The following SACS variants were observed in gnomAD, a reference collection of about 807,000 sequenced individuals.
SACS encodes the protein sacsin.
SACS carries 197 observed loss-of-function variants against 348.0 expected under a neutral mutation model. The ratio of observed to expected loss-of-function variants is 0.57; its 90% CI spans 0.50 to 0.64. The LOEUF (loss-of-function observed/expected upper bound fraction) is 0.64. Among genes scored for constraint, SACS ranks in the 30% least tolerant of loss-of-function variants. The pLI is 0.00. For synonymous variants in SACS, 1,985 were observed against 1,910.6 expected (o/e 1.04, Z -1.02); for missense variants, 4,999 against 5,360.8 (o/e 0.93, Z 2.11).
chr13:23,411,053 G>A (rs1051754421), intron 2 of SACS, among the ~76,000 whole-genome samples, 167 bp downstream of exon 2: 1 of 152,172 alleles, frequency 6.6e-6, no homozygotes, highest in African/African-American at 2.4e-5. Context: ...CCCTTGGCTT[G>A]AAAAATTACA....
chr13:23,417,231 C>G (rs1873724041), intron 1 of SACS, among the ~76,000 whole-genome samples: 1 of 152,030 alleles, frequency 6.6e-6, no homozygotes, highest in South Asian at 2.1e-4. Flanking sequence ...ACATGATGAA[C>G]CAGAAAATTA....
chr13:23,387,163 T>C (rs1872321768), intron 2 of SACS, among the ~76,000 whole-genome samples: 1 of 151,602 alleles, frequency 6.6e-6, no homozygotes, highest in Non-Finnish European at 1.5e-5. Flanking sequence ...CTTCGATTTG[T>C]TAAAAACGAA....
rs1197760629 is a variant in SACS, at chr13:23,355,895, T to C, written c.717A>G (p.Glu239=). The C allele has an allele frequency of 6.2e-7, 1 of 1,614,084 alleles. No individual in the cohort carries two copies. Among genetic ancestry groups the C allele is most frequent in the African/African-American group, 1.3e-5 (1 of 74,934 alleles). Residue 239 remains glutamate, a synonymous_variant, in exon 8 of 10, where the codon GAA becomes GAG. Transcript: ENST00000382292. ...CAAACTGGTCTGAAAGTTCACTAAT[T>C]TCTTTGCTGTCATCTTTGAGATTCC... ...QCWNLKDDSK[E]ISELSDQFAP... is the part of the protein sequence containing the mutation.
In SACS at chr13:23,332,749, C is replaced by T. The variant is rs1382990256; in HGVS notation, c.11127G>A (p.Glu3709=). ...LLWTSCPILP[E]KATPLSIKEQ... is the part of the protein sequence containing the mutation. Reference sequence around the variant, plus strand: ...CTTTAATGCTTAAGGGTGTAGCTTTCTCTGGAAGAATAGGGCAGGATGTCC... The same window carrying T: ...CTTTAATGCTTAAGGGTGTAGCTTTTTCTGGAAGAATAGGGCAGGATGTCC... The change falls in exon 10 of 10, where the codon GAG becomes GAA. Residue 3709 remains glutamate (E), a synonymous_variant. Transcript: ENST00000382292. The T allele has an allele frequency of 1.2e-6, 2 of 1,613,878 alleles. No individual in the cohort carries two copies. The highest frequency in any genetic ancestry group is 1.7e-6 in the Non-Finnish European group (2 of 1,179,948).
intron 9 of SACS, among the ~76,000 whole-genome samples, chr13:23,350,288 A>G (rs1382642404): frequency 6.6e-6 from 1 of 152,258 alleles, no homozygotes; most frequent in East Asian, 1.9e-4. Flanking sequence ...GAGGAAGTAC[A>G]GACAATAAGA....
intron 7 of SACS, 62 bp from the exon 8 acceptor site, chr13:23,356,069 T>G: frequency 3.7e-6 from 5 of 1,348,580 alleles, no homozygotes; most frequent in Non-Finnish European, 5.2e-6. Flanking sequence ...ATGATTACAA[T>G]TATAATAAAT....
chr13:23,386,688 C>T (rs1465539950), intron 2 of SACS, among the ~76,000 whole-genome samples: 2 of 152,208 alleles, frequency 1.3e-5, no homozygotes, highest in Non-Finnish European at 2.9e-5. Flanking sequence ...AGAGGCCTGG[C>T]TTTCCTGTCT....
At position 23,338,234 on chromosome 13, in the gene SACS, C is replaced by G; in HGVS notation, c.5642G>C (p.Gly1881Ala). Residue 1881 changes from glycine to alanine, a missense_variant, in exon 10 of 10, where the codon GGC (glycine) becomes GCC (alanine). Gly to Ala is a moderately conservative substitution (Grantham distance 60). This residue lies in a region of SACS where 3,156 missense variants were observed against 3,380.1 expected (regional missense o/e 0.93). Transcript: ENST00000382292. ...GCACCCATTGATATGAACTGGCAAG[C>G]CTGTTTTTATTCGTAAAGGTAAATA... ...FCYLPLRIKT[G>A]LPVHINGCFA... 3 of 1,614,116 alleles carry G rather than the reference C, an allele frequency of 1.9e-6. No homozygotes were observed. The highest frequency in any genetic ancestry group is 2.5e-6 in the Non-Finnish European group (3 of 1,180,014).
chr13:23,433,176 C>G (rs1375735858), intron 1 of SACS, among the ~76,000 whole-genome samples: 2 of 152,176 alleles, frequency 1.3e-5, no homozygotes. Context: ...AGAATCCCAT[C>G]TTATTGTTCA....
rs1433583477 is a variant in SACS at position 23,331,112 on chromosome 13, C to G, written c.12764G>C (p.Arg4255Thr). 4 of 1,613,980 alleles carry G rather than the reference C, an allele frequency of 2.5e-6. No individual in the cohort carries two copies. Among genetic ancestry groups the G allele is most frequent in the Non-Finnish European group, 3.4e-6 (4 of 1,180,010 alleles). ...FSRPEESSQS[R>T]DSAPSTPTSP... is the part of the protein sequence containing the mutation. ...GGTTGGTGTAGAAGGAGCACTGTCC[C>G]TGCTTTGAGAGCTTTCCTCAGGTCT... The change falls in exon 10 of 10, where the codon AGG (arginine) becomes ACG (threonine). Residue 4255 changes from arginine to threonine, a missense_variant. Around this residue, in one of 6 missense-constraint regions of SACS, gnomAD observed 831 missense variants for 941.8 expected, o/e 0.88. Transcript: ENST00000382292.
intron 2 of SACS, among the ~76,000 whole-genome samples, chr13:23,387,925 A>G (rs1872361710): frequency 6.6e-6 from 1 of 152,222 alleles, no homozygotes; most frequent in East Asian, 1.9e-4. Context: ...CAGAAAGGCC[A>G]TTATTAAAAT....
intron 2 of SACS, among the ~76,000 whole-genome samples, chr13:23,398,246 G>A (rs1368699729): frequency 6.8e-6 from 1 of 148,130 alleles, no homozygotes; most frequent in African/African-American, 2.5e-5. Context: ...GAAATACATG[G>A]TTTTAGCTGG....
intron 2 of SACS, among the ~76,000 whole-genome samples, chr13:23,389,400 T>G (rs1247643408): frequency 2.6e-5 from 4 of 152,124 alleles, no homozygotes; most frequent in Non-Finnish European, 4.4e-5. Context: ...AATTCAGAAT[T>G]GTAAAAAAAT....
intron 6 of SACS, among the ~76,000 whole-genome samples, chr13:23,359,189 A>G (rs1379203189): frequency 1.3e-5 from 2 of 152,202 alleles, no homozygotes; most frequent in African/African-American, 2.4e-5. Context: ...CTCAAAAAAA[A>G]AGAAAAAAGA....
Position 23,411,278 on chromosome 13 carries a change from A to G in SACS, c.-39T>C, listed in dbSNP as rs17078721. 1 of 1,584,400 alleles carries G rather than the reference A, an allele frequency of 6.3e-7. No homozygotes were observed. ...GGGATATTTGTTTGTGAAAACCATG[A>G]AAGTACGCTTCTTTCTTCTGTTTAA... On this transcript the variant is annotated 5_prime_UTR_variant, in exon 2 of 10. Transcript: ENST00000382292.
chr13:23,338,766 T>G lies in SACS; in HGVS notation c.5110A>C (p.Asn1704His). Residue 1704 changes from asparagine to histidine, a missense_variant, in exon 10 of 10, where the codon AAC (asparagine) becomes CAC (histidine). By Grantham distance (68) the Asn-to-His change is moderately conservative (BLOSUM62 1). Around this residue, in one of 6 missense-constraint regions of SACS, gnomAD observed 3,156 missense variants for 3,380.1 expected, o/e 0.93. Coordinates refer to ENST00000382292, the MANE Select transcript of SACS (RefSeq NM_014363.6). ...ACTGTATCTTGTGCTAAACTGGGGT[T>G]GGTTTCCTCAATTTTCAAGTACTTC... ...YLKYLKIEET[N>H]PSLAQDTVII... 1 of 1,611,170 alleles carries G rather than the reference T, an allele frequency of 6.2e-7. No homozygotes were observed. The highest frequency in any genetic ancestry group is 8.5e-7 in the Non-Finnish European group (1 of 1,179,192).
chr13:23,418,541 C>A (rs980064337), intron 1 of SACS, among the ~76,000 whole-genome samples: 1 of 152,034 alleles, frequency 6.6e-6, no homozygotes, highest in African/African-American at 2.4e-5. Flanking sequence ...GAGTCTTGCT[C>A]TGTCTCTCCA....
At chr13:23,378,354 C>G (rs1046136048) in intron 2 of SACS, among the ~76,000 whole-genome samples, 1 of 152,106 alleles carries the variant, frequency 6.6e-6, no homozygotes, top group Non-Finnish European at 1.5e-5. Context: ...CTCAGGCCCC[C>G]GGATAGTGGA....
Position 23,355,269 on chromosome 13 carries a change from AG to A in SACS, c.1342del (p.Leu448PhefsTer30), listed in dbSNP as rs1870282319. The A allele has an allele frequency of 6.2e-7, 1 of 1,614,068 alleles. No homozygotes were observed. Among genetic ancestry groups the A allele is most frequent in the Non-Finnish European group, 8.5e-7 (1 of 1,180,050 alleles). On this transcript the variant is annotated frameshift_variant, in exon 8 of 10. Transcript: ENST00000382292. LOFTEE classifies it high-confidence loss of function. ...GCTTTCCTCACCAGGTGGTAAAGGAAGGAAACAAAATGCTTTTCCTGAGAAA... is the reference window on the plus strand; with the variant it reads ...GCTTTCCTCACCAGGTGGTAAAGGAAGAAACAAAATGCTTTTCCTGAGAAA... ...SDFSGKAFCF[L>X]PLPPGEESST... is the part of the protein sequence containing the mutation.
Sources: allele counts gnomAD v4.1 joint callset (sites outside exome capture counted in the v4.1 genomes callset), GRCh38; gene constraint gnomAD v4.1.1; regional missense constraint gnomAD v4.1.1; transcripts MANE v1.5; gene names NCBI Gene and HGNC (gene_info 2026-07-23, HGNC 2026-07-21).